Variants in SAMMSON observed in about 807,000 individuals in gnomAD.
SAMMSON encodes the protein long intergenic non-protein coding RNA 1212.
intron 3 of SAMMSON, among the ~76,000 whole-genome samples, chr3:70,056,414 G>T (rs1384317486): frequency 6.6e-6 from 1 of 151,998 alleles, no homozygotes; most frequent in African/African-American, 2.4e-5. Context: ...AGCTTCTTAA[G>T]AACTGTATCT....
At chr3:70,245,677 A>T (rs1302220086) in intron 4 of SAMMSON, among the ~76,000 whole-genome samples, 1 of 99,432 alleles carries the variant, frequency 1.0e-5, no homozygotes, top group Non-Finnish European at 1.9e-5. Context: ...TGCTTTATAT[A>T]TATATATATA....
intron 4 of SAMMSON, among the ~76,000 whole-genome samples, chr3:70,088,941 G>A (rs1035555760): frequency 6.6e-6 from 1 of 152,222 alleles, no homozygotes; most frequent in Admixed American, 6.5e-5. Flanking sequence ...TAGGCACATT[G>A]TGTATTTTCA....
At chr3:70,022,972 A>G (rs2067021872) in intron 3 of SAMMSON, among the ~76,000 whole-genome samples, 1 of 152,326 alleles carries the variant, frequency 6.6e-6, no homozygotes, top group South Asian at 2.1e-4. Flanking sequence ...GCCTTGAATT[A>G]AGACAATGGT....
chr3:70,311,338 G>A (rs1350205065), intron 7 of SAMMSON, among the ~76,000 whole-genome samples: 1 of 152,152 alleles, frequency 6.6e-6, no homozygotes, highest in African/African-American at 2.4e-5. Context: ...TTTCAAAAGT[G>A]CGCAAATCTG....
chr3:70,077,122 G>A (rs2067250642), intron 4 of SAMMSON, among the ~76,000 whole-genome samples: 1 of 152,116 alleles, frequency 6.6e-6, no homozygotes, highest in African/African-American at 2.4e-5. Context: ...ATTAGCCACT[G>A]TTTTAGTAGG....
chr3:70,407,126 G>A (rs1261769314), intron 2 of SAMMSON, among the ~76,000 whole-genome samples: 1 of 152,038 alleles, frequency 6.6e-6, no homozygotes, highest in Non-Finnish European at 1.5e-5. Flanking sequence ...CAGTATGGGG[G>A]AACCACCCCC....
At chr3:70,034,260 G>T (rs991676258) in intron 3 of SAMMSON, among the ~76,000 whole-genome samples, 1 of 152,108 alleles carries the variant, frequency 6.6e-6, no homozygotes, top group African/African-American at 2.4e-5. Context: ...ACATTACAAA[G>T]TTGCACGATA....
intron 9 of SAMMSON, among the ~76,000 whole-genome samples, chr3:70,372,736 A>G (rs934475904): frequency 1.3e-5 from 2 of 152,168 alleles, no homozygotes; most frequent in African/African-American, 2.4e-5. Flanking sequence ...GTAGAAATCA[A>G]AAGTTTTAAA....
chr3:70,266,804 C>A (rs998051768), intron 6 of SAMMSON, among the ~76,000 whole-genome samples: 1 of 152,012 alleles, frequency 6.6e-6, no homozygotes, highest in Admixed American at 6.6e-5. Flanking sequence ...AGCTTCAAAG[C>A]AAATTAGTAG....
At chr3:70,382,515 G>A (rs1044804447) in intron 9 of SAMMSON, among the ~76,000 whole-genome samples, 4 of 151,982 alleles carry the variant, frequency 2.6e-5, no homozygotes, top group Non-Finnish European at 5.9e-5. Flanking sequence ...ATAAATAAAC[G>A]TATGAATGAA....
chr3:70,342,095 G>A (rs1412733844), intron 7 of SAMMSON, among the ~76,000 whole-genome samples: 1 of 152,194 alleles, frequency 6.6e-6, no homozygotes, highest in Non-Finnish European at 1.5e-5. Context: ...ACAAAGCGTA[G>A]TCTGAATATA....
intron 7 of SAMMSON, among the ~76,000 whole-genome samples, chr3:70,345,139 C>G (rs1376292203): frequency 1.3e-5 from 2 of 152,186 alleles, no homozygotes; most frequent in African/African-American, 4.8e-5. Flanking sequence ...TCCATTACCA[C>G]AGAGACCATA....
At chr3:70,400,310 G>T (rs1701130040) in intron 2 of SAMMSON, among the ~76,000 whole-genome samples, 1 of 152,160 alleles carries the variant, frequency 6.6e-6, no homozygotes, top group South Asian at 2.1e-4. Context: ...TTTGGGTCAT[G>T]CAGGTGGATC....
intron 6 of SAMMSON, among the ~76,000 whole-genome samples, chr3:70,287,593 C>A (rs1448868028): frequency 6.6e-6 from 1 of 151,982 alleles, no homozygotes; most frequent in Non-Finnish European, 1.5e-5. Context: ...AGGGAGGATT[C>A]CCTCTTTTTC....
intron 7 of SAMMSON, among the ~76,000 whole-genome samples, chr3:70,303,678 C>CTTTAT (rs948325940): frequency 2.0e-5 from 3 of 151,956 alleles, no homozygotes. Context: ...TTTGATAGTT[C>CTTTAT]TTTATTTTAT....
intron 7 of SAMMSON, among the ~76,000 whole-genome samples, chr3:70,340,953 C>A (rs1257445590): frequency 6.6e-6 from 1 of 152,086 alleles, no homozygotes; most frequent in South Asian, 2.1e-4. Flanking sequence ...AGTTAATAAG[C>A]CTTTCTGAGT....
chr3:70,386,015 G>T (rs1452463438), intron 9 of SAMMSON, among the ~76,000 whole-genome samples: 3 of 152,090 alleles, frequency 2.0e-5, no homozygotes, highest in African/African-American at 4.8e-5. Context: ...CCAACTCAGG[G>T]TCACAAATCT....
chr3:70,351,171 A>T (rs995174312), intron 7 of SAMMSON, among the ~76,000 whole-genome samples: 1 of 152,138 alleles, frequency 6.6e-6, no homozygotes, highest in African/African-American at 2.4e-5. Flanking sequence ...AGAAAAGCAT[A>T]GGAAGATTGG....
intron 9 of SAMMSON, among the ~76,000 whole-genome samples, chr3:70,375,282 A>G (rs1179942323): frequency 4.6e-5 from 7 of 151,986 alleles, no homozygotes; most frequent in African/African-American, 1.7e-4. Context: ...GTGTGGTCTT[A>G]GAGGTGATAG....
Sources: gnomAD v4.1 joint callset for allele counts (sites outside exome capture counted in the v4.1 genomes callset) on GRCh38, gnomAD v4.1.1 for gene constraint, MANE v1.5 for transcripts, NCBI Gene and HGNC (gene_info 2026-07-23, HGNC 2026-07-21) for gene names.